Variants in MEIOC observed in about 807,000 individuals in gnomAD.
The protein encoded by MEIOC is meiosis-specific coiled-coil domain-containing protein MEIOC.
In MEIOC, 9 loss-of-function variants were observed where a neutral mutation model predicts 85.3. The ratio of observed to expected loss-of-function variants is 0.11; its 90% CI spans 0.06 to 0.18. The LOEUF (loss-of-function observed/expected upper bound fraction) is 0.18, where lower values mean the gene tolerates loss of function less well. Ranked by LOEUF, MEIOC falls within the 10% of genes least tolerant of loss-of-function variation. MEIOC has a pLI of 1.00. For missense variants in MEIOC, 898 were observed against 1,129.4 expected, an observed-to-expected ratio of 0.80 and a Z score of 2.94; for synonymous variants, 365 against 393.7, an observed-to-expected ratio of 0.93 and a Z score of 0.86.
chr17:44,659,121 T>C (rs961843935), intron 2 of MEIOC, among the ~76,000 whole-genome samples: 1 of 152,220 alleles, frequency 6.6e-6, no homozygotes, highest in African/African-American at 2.4e-5. Flanking sequence ...GTAATTTTCA[T>C]TTGAAATTAT....
At chr17:44,661,519 C>CT (rs35198190) in intron 2 of MEIOC, among the ~76,000 whole-genome samples, 2 of 151,780 alleles carry the variant, frequency 1.3e-5, no homozygotes, top group African/African-American at 4.8e-5. Flanking sequence ...TATACATTAA[C>CT]TTTTTTCAGA....
At chr17:44,660,346 C>T (rs1383199053) in intron 2 of MEIOC, among the ~76,000 whole-genome samples, 1 of 151,962 alleles carries the variant, frequency 6.6e-6, no homozygotes, top group East Asian at 1.9e-4. Flanking sequence ...GTTCAAGTGA[C>T]TCTCCTGCCT....
downstream of MEIOC, among the ~76,000 whole-genome samples, chr17:44,676,779 G>A (rs1473615590): frequency 1.3e-5 from 2 of 152,138 alleles, no homozygotes; most frequent in African/African-American, 4.8e-5. Flanking sequence ...CCAACATGGC[G>A]CCACTGCACT....
chr17:44,657,296 T>C, intron 2 of MEIOC, 35 bp downstream of exon 2: 2 of 1,538,524 alleles, frequency 1.3e-6, no homozygotes, highest in Non-Finnish European at 1.8e-6. Flanking sequence ...TTAGACGATT[T>C]ATTCTCAAAT....
rs1353958225 is a variant in MEIOC, at chr17:44,667,371, C to T, written c.1460C>T (p.Thr487Ile). The T allele has an allele frequency of 6.2e-7, 1 of 1,613,856 alleles. No individual in the cohort carries two copies. Among genetic ancestry groups the T allele is most frequent in the Non-Finnish European group, 8.5e-7 (1 of 1,179,842 alleles). ...ATGAATGTTCAAACAAAAAATAACA[C>T]TCCTATTCCTTATCGAAATCAAGGT... ...TWMNVQTKNN[T>I]PIPYRNQGNL... is the part of the protein sequence containing the mutation. The change falls in exon 5 of 8, where the codon ACT (threonine) becomes ATT (isoleucine). Residue 487 changes from threonine (T) to isoleucine (I), a missense_variant. Physicochemically the swap from Thr to Ile is moderately conservative, Grantham distance 89 (BLOSUM62 -1). Transcript: ENST00000409122.
rs751169103 is a variant in MEIOC, at chr17:44,668,238, C to A, written c.2322+5C>A. On this transcript the variant is annotated splice_donor_5th_base_variant and intron_variant, in intron 5 of 7. Transcript: ENST00000409122. ...TTAGAAAAAGAGAGAAAAAAGGTAA[C>A]ACAAAGTTAACCACTTAGGAATAAC... The A allele has an allele frequency of 1.3e-6, 2 of 1,585,764 alleles. No individual in the cohort carries two copies. The highest frequency in any genetic ancestry group is 1.7e-6 in the Non-Finnish European group (2 of 1,169,060).
chr17:44,666,422 A>G lies in MEIOC; in HGVS notation c.511A>G (p.Arg171Gly), dbSNP rs1416730941. The change falls in exon 5 of 8, where the codon AGA becomes GGA. Residue 171 changes from arginine (R) to glycine (G), a missense_variant. Physicochemically the swap from Arg to Gly is moderately radical, Grantham distance 125 (BLOSUM62 -2). This residue lies in a region of MEIOC where 734 missense variants were observed against 860.1 expected (regional missense o/e 0.85). Coordinates refer to ENST00000409122, the MANE Select transcript of MEIOC (RefSeq NM_001145080.3). ...GTCAGTTTGGCCAATGAACACAAGC[A>G]GATTTGCAGATCACCATGACCTCTT... ...LKSVWPMNTS[R>G]FADHHDLLTE... 1.3e-6 allele frequency: 2 copies of G among 1,553,264 alleles called. No individual in the cohort carries two copies. The highest frequency in any genetic ancestry group is 2.7e-5 in the African/African-American group (2 of 73,228).
chr17:44,671,595 C>A (rs1972010975), intron 6 of MEIOC, among the ~76,000 whole-genome samples: 1 of 150,176 alleles, frequency 6.7e-6, no homozygotes, highest in Admixed American at 6.6e-5. Flanking sequence ...AACATTATTT[C>A]ATTAACAGAG....
downstream of MEIOC, chr17:44,677,076 C>A: frequency 2.3e-6 from 1 of 441,960 alleles, no homozygotes; most frequent in Non-Finnish European, 3.0e-6. Flanking sequence ...CCTTCAGTGA[C>A]AAAAATCAAG....
Position 44,667,409 on chromosome 17 carries a change from T to C in MEIOC, c.1498T>C (p.Leu500=), listed in dbSNP as rs772709127. 5 of 1,613,812 alleles carry C rather than the reference T, an allele frequency of 3.1e-6. No individual in the cohort carries two copies. Among genetic ancestry groups the C allele is most frequent in the Non-Finnish European group, 8.5e-7 (1 of 1,179,800 alleles). ...PYRNQGNLMK[L]NSHLSAASKG... ...TCGAAATCAAGGTAACTTGATGAAA[T>C]TAAATAGTCATTTAAGTGCAGCTTC... Residue 500 remains leucine, a synonymous_variant, in exon 5 of 8, where the codon TTA becomes CTA. Transcript: ENST00000409122.
At chr17:44,657,677 C>T (rs990488003) in intron 2 of MEIOC, among the ~76,000 whole-genome samples, 1 of 151,442 alleles carries the variant, frequency 6.6e-6, no homozygotes, top group Admixed American at 6.6e-5. Flanking sequence ...CCTCAGCCTC[C>T]GGAGTAGCTG....
In MEIOC at chr17:44,674,250, T is replaced by TA. The variant is rs1449710995; in HGVS notation, c.*59dup. 2.0e-6 allele frequency: 3 copies of TA among 1,488,334 alleles called. No homozygotes were observed. The highest frequency in any genetic ancestry group is 2.4e-4 in the Middle Eastern group (1 of 4,226). The allele number at this position is 1,488,334 out of a possible 1,614,324, so 92.2% of individuals were successfully genotyped here. A position where few individuals can be genotyped will look rare whatever the true frequency, so the allele number is the denominator to read the frequency against. ...AGCTGATAAATATACCAAGACATGC[T>TA]AAAAATGTTTTAATGAACTTGTCAA... On this transcript the variant is annotated 3_prime_UTR_variant, in exon 8 of 8. Coordinates refer to ENST00000409122, the MANE Select transcript of MEIOC (RefSeq NM_001145080.3).
intron 3 of MEIOC, 45 bp from the exon 4 acceptor site, chr17:44,665,339 A>C (rs1971890175): frequency 1.6e-6 from 2 of 1,247,286 alleles, no homozygotes; most frequent in Admixed American, 2.5e-5. Context: ...GTCTGGAAAG[A>C]GTAATCAATA....
In MEIOC at chr17:44,667,857, C is replaced by T. The variant is rs184219664; in HGVS notation, c.1946C>T (p.Thr649Met). 128 of 1,613,878 alleles carry T rather than the reference C, an allele frequency of 7.9e-5. No individual in the cohort carries two copies. Among genetic ancestry groups the T allele is most frequent in the Admixed American group, 2.7e-4 (16 of 60,002 alleles). ...CAGGGTCATTCTAATAGCCACAGAA[C>T]GAGAGGTGGAGACAATAGCCGTGTG... is the stretch of plus-strand genomic sequence containing the variant. ...ESQGHSNSHR[T>M]RGGDNSRVNR... The change falls in exon 5 of 8, where the codon ACG becomes ATG. Residue 649 changes from threonine to methionine, a missense_variant. Physicochemically the swap from Thr to Met is moderately conservative, Grantham distance 81. Around this residue, in one of 2 missense-constraint regions of MEIOC, gnomAD observed 734 missense variants for 860.1 expected, o/e 0.85. Transcript: ENST00000409122.
chr17:44,669,631 G>T, intron 6 of MEIOC, 114 bp downstream of exon 6: 1 of 1,033,900 alleles, frequency 9.7e-7, no homozygotes, highest in Non-Finnish European at 1.4e-6. Context: ...AGGCCGAGGC[G>T]GGCAGATCAC....
chr17:44,664,103 G>A (rs896394871), intron 3 of MEIOC, among the ~76,000 whole-genome samples: 3 of 152,112 alleles, frequency 2.0e-5, no homozygotes, highest in African/African-American at 7.2e-5. Context: ...GGGATTGGTG[G>A]CTCACGCCTG....
chr17:44,656,473 G>C lies in MEIOC; in HGVS notation c.-141G>C. On this transcript the variant is annotated 5_prime_UTR_variant, in exon 1 of 8. Transcript: ENST00000409122. ...CTCGGACTTCCCTTACCCGCACACT[G>C]GCTCCAGGCAGCGCCCGGGCGGCGG... is the stretch of plus-strand genomic sequence containing the variant. 1 of 610,172 alleles carries C rather than the reference G, an allele frequency of 1.6e-6. No homozygotes were observed. The allele number at this position is 610,172 out of a possible 1,614,324, so 37.8% of individuals were successfully genotyped here.
chr17:44,660,673 T>C (rs1039433914), intron 2 of MEIOC, among the ~76,000 whole-genome samples: 31 of 152,250 alleles, frequency 2.0e-4, no homozygotes, highest in African/African-American at 7.0e-4. Flanking sequence ...ATACTTTCAG[T>C]CTTCTTTAAG....
chr17:44,666,646 T>C lies in MEIOC; in HGVS notation c.735T>C (p.Ser245=). The C allele has an allele frequency of 5.6e-6, 9 of 1,611,926 alleles. No individual in the cohort carries two copies. The highest frequency in any genetic ancestry group is 7.6e-6 in the Non-Finnish European group (9 of 1,178,860). The change falls in exon 5 of 8, where the codon TCT becomes TCC. Residue 245 remains serine (S), a synonymous_variant. Coordinates refer to ENST00000409122, the MANE Select transcript of MEIOC (RefSeq NM_001145080.3). ...TGTACCCCTCACGAAGTGATCATTC[T>C]AACTGTCACAATATTCAGACAAATG... ...QWMYPSRSDH[S]NCHNIQTNDT... is the part of the protein sequence containing the mutation.
Sources: gnomAD v4.1 joint callset for allele counts (sites outside exome capture counted in the v4.1 genomes callset) on GRCh38, gnomAD v4.1.1 for gene constraint, gnomAD v4.1.1 regional missense constraint, MANE v1.5 for transcripts, NCBI Gene and HGNC (gene_info 2026-07-23, HGNC 2026-07-21) for gene names.